Variants in IGSF21 observed in about 807,000 individuals in gnomAD.
The protein encoded by IGSF21 is immunoglobin superfamily member 21, also known as immunoglobulin superfamily member 21.
IGSF21 carries 28 observed loss-of-function variants against 46.8 expected under a neutral mutation model. That is an observed-to-expected ratio of 0.60 (90% confidence interval 0.44 to 0.82). The LOEUF (loss-of-function observed/expected upper bound fraction) is 0.82. Among genes scored for constraint, IGSF21 ranks in the 40% least tolerant of loss-of-function variants. The pLI is 0.00. For synonymous variants in IGSF21, 284 were observed against 273.6 expected (o/e 1.04, Z -0.38); for missense variants, 624 against 665.5 (o/e 0.94, Z 0.69).
chr1:18,328,185 G>A (rs1005579472), intron 3 of IGSF21, among the ~76,000 whole-genome samples: 3 of 152,182 alleles, frequency 2.0e-5, no homozygotes, highest in Non-Finnish European at 2.9e-5. Flanking sequence ...TAAGTCCATC[G>A]TAAGTTCAAA....
intron 2 of IGSF21, among the ~76,000 whole-genome samples, chr1:18,237,542 A>G (rs545955043): frequency 5.3e-5 from 8 of 152,134 alleles, no homozygotes; most frequent in Non-Finnish European, 1.0e-4. Context: ...GGCTTCACAT[A>G]TATTACTTCA....
intron 6 of IGSF21, among the ~76,000 whole-genome samples, chr1:18,372,118 TG>T (rs2086230671): frequency 6.6e-6 from 1 of 152,198 alleles, no homozygotes; most frequent in South Asian, 2.1e-4. Context: ...AAATGGCACA[TG>T]GGCAGGGTCT....
At position 18,118,134 on chromosome 1, in the gene IGSF21, GT is replaced by G. The variant is rs895390255; in HGVS notation, c.70+9945del. Among the ~76,000 whole-genome samples, 178 of 151,812 alleles carry G rather than the reference GT, an allele frequency of 1.2e-3. 2 individuals carry two copies. Among genetic ancestry groups the G allele is most frequent in the African/African-American group, 4.1e-3 (171 of 41,396 alleles). ...GGAGAGAAGCAGCTGAGCCTTTGGGGTTTTTTTTTGTTCCTTTGCCAAGCTG... is the reference window on the plus strand; with the variant it reads ...GGAGAGAAGCAGCTGAGCCTTTGGGGTTTTTTTTGTTCCTTTGCCAAGCTG... On this transcript the variant is annotated intron_variant, in intron 1 of 9. Transcript: ENST00000251296.
rs561187492 is a variant in IGSF21 at position 18,284,638 on chromosome 1, GC to G, written c.184-7226del. ...GAGGCTTAGAAACAATCAGTGACTT[GC>G]CTGAGAACCCAGAGCCAGGGAGTGA... is the stretch of plus-strand genomic sequence containing the variant. On this transcript the variant is annotated intron_variant, in intron 2 of 9. Coordinates refer to ENST00000251296, the MANE Select transcript of IGSF21 (RefSeq NM_032880.5). 2.7e-4 allele frequency among the ~76,000 whole-genome samples: 41 copies of G among 152,326 alleles called. No individual in the cohort carries two copies. The South Asian group carries it at 8.3e-3, about 31-fold the overall frequency.
At chr1:18,325,445 C>T (rs746900164) in intron 3 of IGSF21, among the ~76,000 whole-genome samples, 21 of 152,024 alleles carry the variant, frequency 1.4e-4, no homozygotes, top group Non-Finnish European at 2.8e-4. Context: ...AGTCTTCGAG[C>T]GGGCTTGTCT....
intron 4 of IGSF21, among the ~76,000 whole-genome samples, chr1:18,343,199 G>T (rs2085860068): frequency 6.6e-6 from 1 of 152,186 alleles, no homozygotes; most frequent in Non-Finnish European, 1.5e-5. Flanking sequence ...CAGGGCCAAT[G>T]ACACTGTACG....
At chr1:18,131,294 G>T (rs1184210738) in intron 1 of IGSF21, among the ~76,000 whole-genome samples, 1 of 152,186 alleles carries the variant, frequency 6.6e-6, no homozygotes, top group Non-Finnish European at 1.5e-5. Context: ...CCCAGAGGTT[G>T]ATGAAGACAT....
At chr1:18,248,736 G>A (rs948819951) in intron 2 of IGSF21, among the ~76,000 whole-genome samples, 7 of 151,984 alleles carry the variant, frequency 4.6e-5, no homozygotes, top group African/African-American at 7.3e-5. Flanking sequence ...AATAGTTACC[G>A]GGCCCCTACA....
At chr1:18,185,387 T>C (rs1049228796) in intron 1 of IGSF21, among the ~76,000 whole-genome samples, 1 of 152,246 alleles carries the variant, frequency 6.6e-6, no homozygotes, top group African/African-American at 2.4e-5. Context: ...GGTTTCCAAG[T>C]ATTAAAGTTA....
chr1:18,253,904 G>T (rs1162280740), intron 2 of IGSF21, among the ~76,000 whole-genome samples: 1 of 152,190 alleles, frequency 6.6e-6, no homozygotes, highest in African/African-American at 2.4e-5. Flanking sequence ...ATCAAGTCAG[G>T]GGAAAGTGGA....
chr1:18,296,354 A>C (rs1488727381), intron 3 of IGSF21, among the ~76,000 whole-genome samples: 3 of 152,238 alleles, frequency 2.0e-5, no homozygotes, highest in Admixed American at 2.0e-4. Context: ...GTTTTAGGTG[A>C]TGCAGGAGAT....
intron 1 of IGSF21, among the ~76,000 whole-genome samples, chr1:18,191,338 G>A (rs1259581109): frequency 6.6e-6 from 1 of 152,138 alleles, no homozygotes; most frequent in African/African-American, 2.4e-5. Context: ...CTTACAAACT[G>A]TGAAGTCCTG....
chr1:18,273,473 TTTCTTTCTTTC>T (rs1466011322), intron 2 of IGSF21, among the ~76,000 whole-genome samples: 2 of 68,730 alleles, frequency 2.9e-5, no homozygotes, highest in African/African-American at 1.1e-4. Context: ...TCTTTCTTTC[TTTCTTTCTTTC>T]TTTCTTTCTT....
At chr1:18,169,373 CCAGGCGTA>C (rs1375918974) in intron 1 of IGSF21, among the ~76,000 whole-genome samples, 1 of 152,152 alleles carries the variant, frequency 6.6e-6, no homozygotes, top group African/African-American at 2.4e-5. Context: ...AAGACGAAGC[CCAGGCGTA>C]TTTCTTTCTT....
chr1:18,272,220 A>T (rs1018417931), intron 2 of IGSF21, among the ~76,000 whole-genome samples: 1 of 150,570 alleles, frequency 6.6e-6, no homozygotes, highest in Non-Finnish European at 1.5e-5. Flanking sequence ...ACACTAGAAC[A>T]GTATAGGGGA....
intron 1 of IGSF21, among the ~76,000 whole-genome samples, chr1:18,189,779 C>T (rs2124475132): frequency 6.6e-6 from 1 of 152,274 alleles, no homozygotes; most frequent in African/African-American, 2.4e-5. Context: ...TGGCTGTAAA[C>T]ATAGATGAAG....
chr1:18,157,295 G>A (rs940630716), intron 1 of IGSF21, among the ~76,000 whole-genome samples: 84 of 152,280 alleles, frequency 5.5e-4, no homozygotes, highest in African/African-American at 1.9e-3. Flanking sequence ...ACTCTGCCTC[G>A]CTGTCTGTCC....
chr1:18,183,975 G>C (rs1349495949), intron 1 of IGSF21, among the ~76,000 whole-genome samples: 1 of 152,132 alleles, frequency 6.6e-6, no homozygotes, highest in Non-Finnish European at 1.5e-5. Flanking sequence ...CACAGAGAAG[G>C]GGAGAAGGGA....
chr1:18,188,556 T>C (rs988398761), intron 1 of IGSF21, among the ~76,000 whole-genome samples: 4 of 152,150 alleles, frequency 2.6e-5, no homozygotes, highest in Middle Eastern at 3.2e-3. Context: ...TTTTGGAACT[T>C]GGACTTTCTT....
Sources: allele counts gnomAD v4.1 joint callset (sites outside exome capture counted in the v4.1 genomes callset), GRCh38; gene constraint gnomAD v4.1.1; transcripts MANE v1.5; gene names NCBI Gene and HGNC (gene_info 2026-07-23, HGNC 2026-07-21).